The following ZNF107 variants were observed in gnomAD, a reference collection of about 807,000 sequenced individuals.
ZNF107 encodes C2H2 type zinc-finger protein.
ZNF107 carries 19 observed loss-of-function variants against 12.3 expected under a neutral mutation model. The observed-to-expected ratio is 1.55, with a 90% CI of 1.08 to 2.27. ZNF107 has a LOEUF of 2.27. Among genes scored for constraint, ZNF107 ranks in the 30% most tolerant of loss-of-function variants. The pLI is 0.00. For synonymous variants in ZNF107, 317 were observed against 330.5 expected, an observed-to-expected ratio of 0.96 and a Z score of 0.44; for missense variants, 958 against 979.9, an observed-to-expected ratio of 0.98 and a Z score of 0.30.
In ZNF107 at chr7:64,686,821, G is replaced by A. The variant is rs148855218; in HGVS notation, c.4-4427G>A. On this transcript the variant is annotated intron_variant, in intron 1 of 3. Coordinates refer to ENST00000620827, the MANE Select transcript of ZNF107 (RefSeq NM_001282359.2). Reference sequence around the variant, plus strand: ...AAAGACTGCTCTCCCTCACACCTCCGGGCTGACTCCCTTTTCCGATTCAGC... The same window carrying A: ...AAAGACTGCTCTCCCTCACACCTCCAGGCTGACTCCCTTTTCCGATTCAGC... 4.9e-4 allele frequency: 454 copies of A among 926,710 alleles called. 5 individuals carry two copies. In the African/African-American group the frequency reaches 6.8e-3, roughly 14 times the overall value. The allele number at this position is 926,710 out of a possible 1,614,324, so 57.4% of individuals were successfully genotyped here. A position where few individuals can be genotyped will look rare whatever the true frequency, so the allele number is the denominator to read the frequency against.
At chr7:64,686,794 G>A in intron 1 of ZNF107, 5 of 871,580 alleles carry the variant, frequency 5.7e-6, no homozygotes, top group Non-Finnish European at 6.9e-6. Context: ...ACTTTGCCCT[G>A]TAAAGACTGC....
chr7:64,679,908 A>T (rs1390577927), intron 1 of ZNF107, among the ~76,000 whole-genome samples: 2 of 151,874 alleles, frequency 1.3e-5, no homozygotes, highest in Admixed American at 1.3e-4. Context: ...TCCCAATGCA[A>T]TTTGTCTCAA....
chr7:64,697,160 T>C (rs1790320046), intron 3 of ZNF107, among the ~76,000 whole-genome samples: 1 of 152,224 alleles, frequency 6.6e-6, no homozygotes, highest in Non-Finnish European at 1.5e-5. Context: ...TCCTTTTTTA[T>C]GGCTGCATAG....
intron 1 of ZNF107, 139 bp downstream of exon 1, chr7:64,666,424 G>T: frequency 5.9e-6 from 7 of 1,186,886 alleles, no homozygotes; most frequent in Non-Finnish European, 8.3e-6. Flanking sequence ...TCAGTCCCCC[G>T]CGGCCCCGAG....
At chr7:64,701,259 A>G (rs1189657587) in intron 3 of ZNF107, among the ~76,000 whole-genome samples, 1 of 151,944 alleles carries the variant, frequency 6.6e-6, no homozygotes, top group Non-Finnish European at 1.5e-5. Flanking sequence ...TTTTCAACCT[A>G]TTTGACTCAA....
intron 1 of ZNF107, among the ~76,000 whole-genome samples, chr7:64,667,952 A>AC (rs1320083354): frequency 3.7e-4 from 1 of 2,668 alleles, no homozygotes; most frequent in South Asian, 0.019. Flanking sequence ...TCCAGAAGAC[A>AC]AAAAAAAAAA....
intron 3 of ZNF107, among the ~76,000 whole-genome samples, chr7:64,700,037 G>A (rs1790418972): frequency 8.3e-6 from 1 of 119,868 alleles, no homozygotes; most frequent in African/African-American, 3.2e-5. Flanking sequence ...ACCGCGGCTG[G>A]GCGACAGAGT....
chr7:64,686,474 C>G, intron 1 of ZNF107: 1 of 981,786 alleles, frequency 1.0e-6, no homozygotes, highest in South Asian at 4.7e-5. Context: ...AATTAGGAGT[C>G]CATGCCGCCC....
At position 64,709,583 on chromosome 7, in the gene ZNF107, AG is replaced by A. The variant is rs1383344540; in HGVS notation, c.*929del. On this transcript the variant is annotated 3_prime_UTR_variant, in exon 4 of 4. Transcript: ENST00000620827. ...TTAAATGGTTGTCACACTTGATTGT[AG>A]GTAAGAATCCATACTGAAGAAAACT... 3 of 400,702 alleles carry A rather than the reference AG, an allele frequency of 7.5e-6. No individual in the cohort carries two copies. The highest frequency in any genetic ancestry group is 9.5e-6 in the Non-Finnish European group (2 of 209,444). 24.8% of individuals were successfully genotyped at this position (400,702 alleles called of 1,614,324 possible).
intron 1 of ZNF107, among the ~76,000 whole-genome samples, chr7:64,688,566 C>T (rs1469715858): frequency 1.3e-5 from 2 of 152,040 alleles, no homozygotes; most frequent in Non-Finnish European, 2.9e-5. Flanking sequence ...CCCCTTCTTC[C>T]TCTTCTTAAA....
chr7:64,688,615 A>C (rs974963142), intron 1 of ZNF107, among the ~76,000 whole-genome samples: 5 of 152,124 alleles, frequency 3.3e-5, no homozygotes, highest in African/African-American at 1.2e-4. Flanking sequence ...CTGCTACTGC[A>C]CCCATCCAGG....
chr7:64,677,629 GGATCATGA>G (rs1789470001), intron 1 of ZNF107, among the ~76,000 whole-genome samples: 1 of 151,224 alleles, frequency 6.6e-6, no homozygotes. Context: ...CGAGGCGGGC[GGATCATGA>G]GATCAGGAGA....
chr7:64,672,473 A>G (rs1306649462), intron 1 of ZNF107, among the ~76,000 whole-genome samples: 3 of 151,784 alleles, frequency 2.0e-5, no homozygotes, highest in Non-Finnish European at 4.4e-5. Context: ...CCTCCTACCT[A>G]AGCCCTCCAA....
chr7:64,684,770 A>C (rs1789833007), intron 1 of ZNF107: 1 of 970,892 alleles, frequency 1.0e-6, no homozygotes, highest in Admixed American at 6.2e-5. Flanking sequence ...TTCCCAGATG[A>C]GACGCCTCTG....
chr7:64,671,779 C>A (rs1030731424), intron 1 of ZNF107, among the ~76,000 whole-genome samples: 1 of 116,558 alleles, frequency 8.6e-6, no homozygotes, highest in Non-Finnish European at 1.8e-5. Context: ...CCTTTTTGTT[C>A]TTTTTTTTTT....
At chr7:64,706,195 A>C in intron 3 of ZNF107, 129 bp from the exon 4 acceptor site, 1 of 861,026 alleles carries the variant, frequency 1.2e-6, no homozygotes. Flanking sequence ...TCTATGAAGA[A>C]ATTAGAGCCT....
Position 64,708,387 on chromosome 7 carries a change from G to C in ZNF107, c.2290G>C (p.Glu764Gln). The change falls in exon 4 of 4, where the codon GAA becomes CAA. Residue 764 changes from glutamate (E) to glutamine (Q), a missense_variant. Glu to Gln is a conservative substitution (Grantham distance 29, BLOSUM62 2). Coordinates refer to ENST00000620827, the MANE Select transcript of ZNF107 (RefSeq NM_001282359.2). ...IHTGEKPYKC[E>Q]ECGKAFNQSS... is the part of the protein sequence containing the mutation. ...TACTGGAGAGAAACCCTATAAATGT[G>C]AAGAATGTGGCAAAGCTTTTAACCA... 2 of 1,612,908 alleles carry C rather than the reference G, an allele frequency of 1.2e-6. No homozygotes were observed. The highest frequency in any genetic ancestry group is 1.7e-6 in the Non-Finnish European group (2 of 1,179,594).
chr7:64,706,045 T>C (rs1029713603), intron 3 of ZNF107, among the ~76,000 whole-genome samples: 1 of 152,062 alleles, frequency 6.6e-6, no homozygotes, highest in African/African-American at 2.4e-5. Flanking sequence ...AGAGCTTTGT[T>C]GGGTAAATAA....
At chr7:64,681,430 C>T (rs781528454) in intron 1 of ZNF107, among the ~76,000 whole-genome samples, 7 of 152,152 alleles carry the variant, frequency 4.6e-5, no homozygotes, top group South Asian at 4.1e-4. Context: ...TCCCTCTCCT[C>T]GGCTGAGGCA....
Sources: gnomAD v4.1 joint callset for allele counts (sites outside exome capture counted in the v4.1 genomes callset) on GRCh38, gnomAD v4.1.1 for gene constraint, MANE v1.5 for transcripts, NCBI Gene and HGNC (gene_info 2026-07-23, HGNC 2026-07-21) for gene names.